DNAH5: variants seen among roughly 807,000 people sequenced by gnomAD.
The protein encoded by DNAH5 is axonemal beta dynein heavy chain 5.
A neutral mutation model predicts 518.2 loss-of-function variants in DNAH5; 372 were observed. That is an observed-to-expected ratio of 0.72 (90% confidence interval 0.66 to 0.78). The LOEUF (loss-of-function observed/expected upper bound fraction) is 0.78, where lower values mean the gene tolerates loss of function less well. Ranked by LOEUF, DNAH5 falls within the 30% of genes least tolerant of loss-of-function variation. DNAH5 has a pLI of 0.00. For missense variants in DNAH5, 5,523 were observed against 5,687.0 expected, an observed-to-expected ratio of 0.97 and a Z score of 0.93; for synonymous variants, 2,039 against 2,025.9, an observed-to-expected ratio of 1.01 and a Z score of -0.17.
chr5:13,983,575 T>A (rs1782833027), intron 1 of DNAH5, among the ~76,000 whole-genome samples: 1 of 152,136 alleles, frequency 6.6e-6, no homozygotes, highest in Non-Finnish European at 1.5e-5. Context: ...CAAGGTAGGA[T>A]AAGCACGTGC....
intron 74 of DNAH5, among the ~76,000 whole-genome samples, chr5:13,715,686 A>G (rs1744198776): frequency 6.6e-6 from 1 of 152,234 alleles, no homozygotes; most frequent in African/African-American, 2.4e-5. Flanking sequence ...AATTTTAGGT[A>G]TAGAGAAAGG....
chr5:13,862,849 T>G (rs1028245258), intron 28 of DNAH5, 102 bp from the exon 29 acceptor site: 7 of 337,464 alleles, frequency 2.1e-5, no homozygotes, highest in Non-Finnish European at 3.4e-5. Context: ...TTCATATATA[T>G]ATAAATATAT....
intron 47 of DNAH5, among the ~76,000 whole-genome samples, chr5:13,803,590 C>G (rs1267968608): frequency 2.0e-5 from 3 of 152,212 alleles, no homozygotes; most frequent in Admixed American, 2.0e-4. Flanking sequence ...TCTCCTTCCA[C>G]CCAAGTACAT....
At chr5:13,766,857 A>T (rs6888573) in intron 58 of DNAH5, among the ~76,000 whole-genome samples, 2 of 152,164 alleles carry the variant, frequency 1.3e-5, no homozygotes, top group African/African-American at 4.8e-5. Flanking sequence ...TCACTATGGA[A>T]TAAGTATTGA....
intron 34 of DNAH5, 102 bp downstream of exon 34, chr5:13,840,804 A>AT: frequency 3.1e-6 from 3 of 960,470 alleles, no homozygotes; most frequent in Non-Finnish European, 4.8e-6. Flanking sequence ...CCAGAATTTA[A>AT]TTTTTTCCTT....
chr5:13,917,371 C>A (rs1472137598), intron 7 of DNAH5, 115 bp from the exon 8 acceptor site: 2 of 775,324 alleles, frequency 2.6e-6, no homozygotes. Flanking sequence ...GTCCATCTCA[C>A]AGAAAACTGA....
chr5:13,954,861 A>G (rs1561001813), intron 1 of DNAH5, among the ~76,000 whole-genome samples: 1 of 152,110 alleles, frequency 6.6e-6, no homozygotes, highest in East Asian at 1.9e-4. Flanking sequence ...GCTGCTTTCT[A>G]TCTCCCTTCT....
At chr5:13,899,936 A>G (rs1774354894) in intron 15 of DNAH5, 2 of 457,148 alleles carry the variant, frequency 4.4e-6, no homozygotes, top group Non-Finnish European at 7.8e-6. Flanking sequence ...TTTATTATAA[A>G]AAGAGATCGT....
intron 38 of DNAH5, among the ~76,000 whole-genome samples, chr5:13,827,719 T>G (rs1259598534): frequency 6.6e-6 from 1 of 151,946 alleles, no homozygotes; most frequent in Non-Finnish European, 1.5e-5. Context: ...GATTCAGCTG[T>G]GTTCCCACCC....
rs1357779773 is a variant in DNAH5, at chr5:13,794,106, A to G, written c.7888-48T>C. 8 of 1,612,568 alleles carry G rather than the reference A, an allele frequency of 5.0e-6. No homozygotes were observed. In the East Asian group the frequency reaches 1.8e-4, roughly 36 times the overall value. Reference sequence around the variant, plus strand: ...AACATCTGTGAAAATATCCCCTAAAACCTGGTCAATTATTTTAAAAAACAA... The same window carrying G: ...AACATCTGTGAAAATATCCCCTAAAGCCTGGTCAATTATTTTAAAAAACAA... On this transcript the variant is annotated intron_variant, in intron 47 of 78. Transcript: ENST00000265104.
At chr5:13,732,375 C>T (rs1160320328) in intron 68 of DNAH5, among the ~76,000 whole-genome samples, 1 of 151,722 alleles carries the variant, frequency 6.6e-6, no homozygotes, top group East Asian at 1.9e-4. Context: ...TCTTGAGCCC[C>T]TTTTTTTGTG....
intron 1 of DNAH5, among the ~76,000 whole-genome samples, chr5:13,983,149 AG>A: frequency 6.6e-6 from 1 of 152,356 alleles, no homozygotes; most frequent in African/African-American, 2.4e-5. Flanking sequence ...TCCCAAGACC[AG>A]TCCCAGCAGC....
At chr5:13,868,655 G>T (rs1287806528) in intron 24 of DNAH5, among the ~76,000 whole-genome samples, 1 of 152,134 alleles carries the variant, frequency 6.6e-6, no homozygotes, top group Non-Finnish European at 1.5e-5. Context: ...TATTAATTTG[G>T]GGGAAAACAT....
At chr5:13,794,903 C>T (rs1275817587) in intron 47 of DNAH5, among the ~76,000 whole-genome samples, 1 of 152,144 alleles carries the variant, frequency 6.6e-6, no homozygotes, top group African/African-American at 2.4e-5. Context: ...GGAGGCAGAG[C>T]TTGCAGTGAG....
rs113367177 is a variant in DNAH5 at position 13,912,970 on chromosome 5, G to A, written c.1536+773C>T. Among the ~76,000 whole-genome samples, 154 of 151,810 alleles carry A rather than the reference G, an allele frequency of 1.0e-3. 1 individual carries two copies. The highest frequency in any genetic ancestry group is 3.5e-3 in the African/African-American group (144 of 41,472). On this transcript the variant is annotated intron_variant, in intron 11 of 78. Coordinates refer to ENST00000265104, the MANE Select transcript of DNAH5 (RefSeq NM_001369.3). ...TTTTCTTTATCTCTCCCAAAACTTG[G>A]TATACTCAGGAAATGAAAAAGATTC...
chr5:13,779,219 T>C (rs556236393), intron 53 of DNAH5, among the ~76,000 whole-genome samples: 11 of 152,334 alleles, frequency 7.2e-5, no homozygotes, highest in African/African-American at 2.2e-4. Context: ...GGTTGCCTTT[T>C]ATGTAGCTTG....
At chr5:13,765,456 AT>A (rs1358882806) in intron 59 of DNAH5, among the ~76,000 whole-genome samples, 1 of 152,228 alleles carries the variant, frequency 6.6e-6, no homozygotes, top group Non-Finnish European at 1.5e-5. Flanking sequence ...AAAGGTAAGG[AT>A]ATAATTATCT....
intron 1 of DNAH5, among the ~76,000 whole-genome samples, chr5:13,963,618 G>T (rs1374860397): frequency 6.8e-6 from 1 of 146,752 alleles, no homozygotes; most frequent in African/African-American, 2.6e-5. Flanking sequence ...ACCTAGTCTT[G>T]TTTTTTCCTA....
At chr5:13,800,366 A>C (rs187222360) in intron 47 of DNAH5, among the ~76,000 whole-genome samples, 5 of 152,302 alleles carry the variant, frequency 3.3e-5, no homozygotes, top group African/African-American at 1.2e-4. Flanking sequence ...TCACAAAAAT[A>C]AGCATATTCA....
Sources: allele counts gnomAD v4.1 joint callset (sites outside exome capture counted in the v4.1 genomes callset), GRCh38; gene constraint gnomAD v4.1.1; transcripts MANE v1.5; gene names NCBI Gene and HGNC (gene_info 2026-07-23, HGNC 2026-07-21).